Variants in METTL21A observed in about 807,000 individuals in gnomAD.
METTL21A encodes the protein protein N-lysine methyltransferase METTL21A.
Under a neutral mutation model 20.9 loss-of-function variants are expected in METTL21A, and 22 were observed. That is an observed-to-expected ratio of 1.05 (90% confidence interval 0.75 to 1.50). METTL21A has a LOEUF of 1.50. Among genes scored for constraint, METTL21A ranks in the 40% most tolerant of loss-of-function variants. The pLI is 0.00. For synonymous variants in METTL21A, 93 were observed against 102.0 expected, an observed-to-expected ratio of 0.91 and a Z score of 0.53; for missense variants, 271 against 266.8, an observed-to-expected ratio of 1.02 and a Z score of -0.11.
chr2:207,617,708 G>C (rs899369287), intron 3 of METTL21A, among the ~76,000 whole-genome samples: 9 of 152,188 alleles, frequency 5.9e-5, no homozygotes, highest in African/African-American at 2.2e-4. Flanking sequence ...TGAGAAAATA[G>C]GTTTAAAAAG....
chr2:207,607,517 G>A (rs1205519472), downstream of METTL21A, among the ~76,000 whole-genome samples: 1 of 150,782 alleles, frequency 6.6e-6, no homozygotes, highest in East Asian at 2.0e-4. Flanking sequence ...TCTGCCCTGA[G>A]TTTGCAATCT....
intron 3 of METTL21A, chr2:207,597,118 A>G: frequency 8.7e-6 from 13 of 1,491,720 alleles, no homozygotes; most frequent in Non-Finnish European, 1.2e-5. Flanking sequence ...CCACAACCTG[A>G]AAGACAAAAT....
In METTL21A at chr2:207,624,228, C is replaced by G. The variant is rs1442801663; in HGVS notation, c.147+1G>C. 2 of 1,600,140 alleles carry G rather than the reference C, an allele frequency of 1.2e-6. No individual in the cohort carries two copies. Among genetic ancestry groups the G allele is most frequent in the South Asian group, 2.2e-5 (2 of 89,072 alleles). ...TCAGAGGTCCCCCAGGGCTTACTTA[C>G]CGCATCCCAAACCACCGCTGCGACT... On this transcript the variant is annotated splice_donor_variant, in intron 2 of 3. Coordinates refer to ENST00000406927, the Ensembl canonical transcript of METTL21A. LOFTEE classifies it high-confidence loss of function.
At chr2:207,587,309 C>T (rs951006788) in intron 3 of METTL21A, among the ~76,000 whole-genome samples, 86 of 151,242 alleles carry the variant, frequency 5.7e-4, no homozygotes, top group African/African-American at 2.0e-3. Context: ...AGGAGAATGG[C>T]GTGAACCCGG....
At chr2:207,612,770 A>C (rs918112753) in exon 4 of METTL21A, 5 of 279,216 alleles carry the variant, frequency 1.8e-5, no homozygotes, top group African/African-American at 8.7e-5. Flanking sequence ...GTTTATTAAA[A>C]GGGAGGAGTA....
At chr2:207,604,241 A>G (rs191720781), downstream of METTL21A, among the ~76,000 whole-genome samples, 82 of 152,326 alleles carry the variant, frequency 5.4e-4, no homozygotes, top group African/African-American at 1.9e-3. Flanking sequence ...ATCCAAAGAT[A>G]AAATTCTGAT....
intron 3 of METTL21A, among the ~76,000 whole-genome samples, chr2:207,594,594 C>T (rs1171307114): frequency 6.6e-6 from 1 of 152,142 alleles, no homozygotes; most frequent in African/African-American, 2.4e-5. Context: ...TATGTATATA[C>T]CACATTTTGC....
chr2:207,620,303 C>T (rs1195775778), intron 3 of METTL21A, among the ~76,000 whole-genome samples: 1 of 152,018 alleles, frequency 6.6e-6, no homozygotes, highest in Non-Finnish European at 1.5e-5. Flanking sequence ...ATTAGCTGGG[C>T]GTGGTGGCAC....
At chr2:207,599,224 T>G (rs763722232) in intron 3 of METTL21A, 3 of 200,146 alleles carry the variant, frequency 1.5e-5, no homozygotes, top group Non-Finnish European at 3.1e-5. Flanking sequence ...GGGAAAGTTA[T>G]AGCATAAAAA....
At chr2:207,624,377 C>A (rs4234080) in exon 2 of METTL21A, 280,502 of 1,611,738 alleles carry the variant, frequency 0.17, 26,940 homozygotes, top group African/African-American at 0.39. Flanking sequence ...GAGGGCCATT[C>A]CGCCTGCACC....
intron 3 of METTL21A, chr2:207,602,456 A>G (rs1445725616): frequency 5.0e-6 from 1 of 201,388 alleles, no homozygotes; most frequent in African/African-American, 2.3e-5. Flanking sequence ...AAAAGGATCA[A>G]AGAGTAGGAA....
intron 3 of METTL21A, among the ~76,000 whole-genome samples, chr2:207,585,664 A>G (rs2083693178): frequency 6.6e-6 from 1 of 152,220 alleles, no homozygotes; most frequent in Non-Finnish European, 1.5e-5. Context: ...CAGAACACAG[A>G]TAGACAATAC....
At position 207,597,939 on chromosome 2, in the gene METTL21A, T is replaced by C. The variant is rs560484267; in HGVS notation, c.260-15779A>G. 1.2e-3 allele frequency: 231 copies of C among 185,452 alleles called. 1 individual carries two copies. The highest frequency in any genetic ancestry group is 5.0e-3 in the African/African-American group (216 of 42,804). 11.5% of individuals were successfully genotyped at this position (185,452 alleles called of 1,614,324 possible). A position where few individuals can be genotyped will look rare whatever the true frequency, so the allele number is the denominator to read the frequency against. Reference sequence around the variant, plus strand: ...TAACAAGATTTTTAAATAAATGTTATTGTCCTCACCTTCAAAAATATTTAT... The same window carrying C: ...TAACAAGATTTTTAAATAAATGTTACTGTCCTCACCTTCAAAAATATTTAT... On this transcript the variant is annotated intron_variant, in intron 3 of 3. Transcript: ENST00000425132.
chr2:207,602,483 A>G, intron 3 of METTL21A: 1 of 203,898 alleles, frequency 4.9e-6, no homozygotes, highest in Non-Finnish European at 1.0e-5. Context: ...ATTTGACCTA[A>G]CATTACTTGC....
chr2:207,608,725 G>C (rs2088506553), downstream of METTL21A, among the ~76,000 whole-genome samples: 2 of 152,152 alleles, frequency 1.3e-5, no homozygotes, highest in South Asian at 2.1e-4. Flanking sequence ...AAGAGATCGA[G>C]ACCACCCTGG....
intron 3 of METTL21A, among the ~76,000 whole-genome samples, chr2:207,590,353 C>T (rs1023619839): frequency 1.7e-4 from 25 of 149,962 alleles, no homozygotes; most frequent in Admixed American, 3.3e-4. Flanking sequence ...AGCCACCCTC[C>T]TTTTTTTTTA....
At chr2:207,584,609 C>T (rs1204279835) in intron 3 of METTL21A, among the ~76,000 whole-genome samples, 1 of 152,130 alleles carries the variant, frequency 6.6e-6, no homozygotes, top group East Asian at 1.9e-4. Context: ...GCCATGTTGG[C>T]CAGGCTGGTT....
chr2:207,598,852 A>G (rs1315316850), intron 3 of METTL21A: 1 of 26,746 alleles, frequency 3.7e-5, no homozygotes, highest in Non-Finnish European at 6.5e-5. Context: ...AATAAAAATA[A>G]AAAAAATGTC....
chr2:207,596,585 C>T (rs953527544), intron 3 of METTL21A, among the ~76,000 whole-genome samples: 2 of 152,152 alleles, frequency 1.3e-5, no homozygotes, highest in African/African-American at 2.4e-5. Context: ...AGGCATGTGC[C>T]GCCACACCCC....
Sources: allele counts gnomAD v4.1 joint callset (sites outside exome capture counted in the v4.1 genomes callset), GRCh38; gene constraint gnomAD v4.1.1; transcripts MANE v1.5; gene names NCBI Gene and HGNC (gene_info 2026-07-23, HGNC 2026-07-21).